The following ADARB1 variants were observed in gnomAD, a reference collection of about 807,000 sequenced individuals.
ADARB1 encodes the protein double-stranded RNA-specific editase 1.
In ADARB1, 10 loss-of-function variants were observed where a neutral mutation model predicts 52.4. The ratio of observed to expected loss-of-function variants is 0.19; its 90% CI spans 0.12 to 0.32. ADARB1 has a LOEUF of 0.32. Among genes scored for constraint, ADARB1 ranks in the 10% least tolerant of loss-of-function variants. The pLI is 1.00. For missense variants in ADARB1, 643 were observed against 922.3 expected, an observed-to-expected ratio of 0.70 and a Z score of 3.92; for synonymous variants, 349 against 371.1, an observed-to-expected ratio of 0.94 and a Z score of 0.68.
intron 2 of ADARB1, among the ~76,000 whole-genome samples, chr21:45,165,484 C>T (rs548783448): frequency 6.9e-4 from 105 of 152,172 alleles, no homozygotes; most frequent in Non-Finnish European, 1.1e-3. Context: ...TAAAGATTCA[C>T]TTAGCAGCTT....
intron 2 of ADARB1, chr21:45,146,146 C>T (rs2089996612): frequency 7.2e-6 from 1 of 139,592 alleles, no homozygotes; most frequent in Non-Finnish European, 1.6e-5. Context: ...TCCGTTCTGC[C>T]GGGATTACCT....
chr21:45,222,433 G>A lies in ADARB1; in HGVS notation c.*236G>A, dbSNP rs2092983194. ...CAGCATCGCCGCCTGGCATCTCTCT[G>A]CCGCAGCATTTCCCCTTCTGAACCG... On this transcript the variant is annotated 3_prime_UTR_variant, in exon 11 of 11. Transcript: ENST00000348831. The A allele has an allele frequency of 7.8e-7, 1 of 1,286,552 alleles. No homozygotes were observed. The highest frequency in any genetic ancestry group is 1.5e-5 in the African/African-American group (1 of 64,914). The allele number at this position is 1,286,552 out of a possible 1,614,324, so 79.7% of individuals were successfully genotyped here.
intron 2 of ADARB1, among the ~76,000 whole-genome samples, chr21:45,152,156 CA>C (rs1369808766): frequency 6.6e-6 from 1 of 152,202 alleles, no homozygotes; most frequent in Non-Finnish European, 1.5e-5. Flanking sequence ...TGAGCCTCTG[CA>C]TTGTGTTGTG....
intron 1 of ADARB1, among the ~76,000 whole-genome samples, chr21:45,088,895 T>C (rs1222903341): frequency 6.6e-6 from 1 of 152,134 alleles, no homozygotes; most frequent in African/African-American, 2.4e-5. Flanking sequence ...AGTCTAGTCA[T>C]GGAGAAATGT....
intron 2 of ADARB1, among the ~76,000 whole-genome samples, chr21:45,155,246 C>G (rs112364174): frequency 1.3e-5 from 2 of 152,092 alleles, no homozygotes; most frequent in East Asian, 3.9e-4. Context: ...GCTGGAGGTC[C>G]AAACGTAGAG....
At chr21:45,134,876 C>A (rs757554274) in intron 2 of ADARB1, 8 of 527,290 alleles carry the variant, frequency 1.5e-5, no homozygotes, top group Non-Finnish European at 2.7e-5. Flanking sequence ...CCCAGCACCA[C>A]ACCCCTGGCT....
In ADARB1 at chr21:45,107,452, T is replaced by G. The variant is rs911132069; in HGVS notation, c.-219-20950T>G. ...AAAAGGAGAATAGCTCTACTAGATA[T>G]TAAAACATACTACAAAGGCTATATG... On this transcript the variant is annotated intron_variant, in intron 1 of 10. Transcript: ENST00000348831. Among the ~76,000 whole-genome samples, 14 of 152,084 alleles carry G rather than the reference T, an allele frequency of 9.2e-5. No individual in the cohort carries two copies. The South Asian group carries it at 2.9e-3, about 32-fold the overall frequency.
At chr21:45,178,883 A>G (rs1191912864) in intron 4 of ADARB1, among the ~76,000 whole-genome samples, 1 of 152,152 alleles carries the variant, frequency 6.6e-6, no homozygotes, top group Non-Finnish European at 1.5e-5. Context: ...TGTCTGCGTT[A>G]ACAAGCATCA....
chr21:45,179,328 A>G (rs1163487280), intron 4 of ADARB1, among the ~76,000 whole-genome samples: 1 of 152,196 alleles, frequency 6.6e-6, no homozygotes, highest in Admixed American at 6.5e-5. Context: ...AAACATCCTG[A>G]CAACTATCTT....
intron 1 of ADARB1, among the ~76,000 whole-genome samples, chr21:45,083,319 A>G (rs2086221532): frequency 6.6e-6 from 1 of 152,062 alleles, no homozygotes; most frequent in South Asian, 2.1e-4. Context: ...CCCCCATCCT[A>G]TTGTACTTGG....
intron 8 of ADARB1, among the ~76,000 whole-genome samples, chr21:45,190,749 A>C (rs2146260123): frequency 6.6e-6 from 1 of 152,338 alleles, no homozygotes; most frequent in African/African-American, 2.4e-5. Flanking sequence ...CTCTGGCACC[A>C]GTCTCATCAC....
chr21:45,211,934 CGTATG>C (rs1164654668), intron 9 of ADARB1, among the ~76,000 whole-genome samples: 2 of 152,160 alleles, frequency 1.3e-5, no homozygotes, highest in African/African-American at 2.4e-5. Flanking sequence ...CCAGAAAAAG[CGTATG>C]GTTAGTATTG....
chr21:45,136,790 CAG>C (rs1433664594), intron 2 of ADARB1, among the ~76,000 whole-genome samples: 1 of 152,250 alleles, frequency 6.6e-6, no homozygotes, highest in African/African-American at 2.4e-5. Flanking sequence ...CTGGTGTCCA[CAG>C]GGGCCAGGGA....
At chr21:45,207,455 A>G (rs76930648) in intron 9 of ADARB1, among the ~76,000 whole-genome samples, 415 of 152,340 alleles carry the variant, frequency 2.7e-3, no homozygotes, top group Non-Finnish European at 4.6e-3. Flanking sequence ...GCCGAAGGCA[A>G]GTAATGCTGT....
intron 8 of ADARB1, among the ~76,000 whole-genome samples, chr21:45,190,679 T>A (rs1385135245): frequency 1.3e-5 from 2 of 152,248 alleles, no homozygotes; most frequent in Non-Finnish European, 2.9e-5. Flanking sequence ...TCTCCTGGTG[T>A]CTTCCTGGAA....
rs955942830 is a variant in ADARB1 at position 45,128,485 on chromosome 21, C to CA, written c.-135dup. On this transcript the variant is annotated 5_prime_UTR_variant, in exon 2 of 11. Coordinates refer to ENST00000348831, the MANE Select transcript of ADARB1 (RefSeq NM_001112.4). This position sits in a 1 kb window ranked among gnomAD's most constrained non-coding sequence, Gnocchi z 4.6. ...GCCAAGCGCGGAGTTCTGCTTACTT[C>CA]AGTCCTGCTGAGATACTCTCTCAGT... 8.5e-5 allele frequency: 13 copies of CA among 152,240 alleles called. No individual in the cohort carries two copies. The highest frequency in any genetic ancestry group is 3.1e-4 in the African/African-American group (13 of 41,458). The allele number at this position is 152,240 out of a possible 1,614,324, so 9.4% of individuals were successfully genotyped here. A position where few individuals can be genotyped will look rare whatever the true frequency, so the allele number is the denominator to read the frequency against.
At chr21:45,158,591 C>A (rs1331022939) in intron 2 of ADARB1, among the ~76,000 whole-genome samples, 1 of 152,082 alleles carries the variant, frequency 6.6e-6, no homozygotes, top group Non-Finnish European at 1.5e-5. Flanking sequence ...CTCCCCGAGG[C>A]CACTGTGCAG....
At position 45,176,847 on chromosome 21, in the gene ADARB1, G is replaced by C. The variant is rs764848132; in HGVS notation, c.963+183G>C. 2.6e-5 allele frequency among the ~76,000 whole-genome samples: 4 copies of C among 152,146 alleles called. No homozygotes were observed. The East Asian group carries it at 7.7e-4, about 29-fold the overall frequency. ...ATGGCCATGTGGCCACTGAGAAGCC[G>C]TCTGCATCCTAGTGCATGCTGGGTC... On this transcript the variant is annotated intron_variant, in intron 4 of 10. Transcript: ENST00000348831. The surrounding 1 kb of genome is among the most constrained non-coding windows in gnomAD (Gnocchi z 5.8).
At position 45,223,975 on chromosome 21, in the gene ADARB1, C is replaced by G; in HGVS notation, c.*1778C>G. On this transcript the variant is annotated 3_prime_UTR_variant, in exon 11 of 11. Coordinates refer to ENST00000348831, the MANE Select transcript of ADARB1 (RefSeq NM_001112.4). ...TCCCTGAAGCAGTCACAGCAGGCGT[C>G]TCTGCCGCTCCGTCACCACAGTGGG... 1.0e-6 allele frequency: 1 copy of G among 985,438 alleles called. No homozygotes were observed. Among genetic ancestry groups the G allele is most frequent in the Non-Finnish European group, 1.2e-6 (1 of 829,952 alleles). 61.0% of individuals were successfully genotyped at this position (985,438 alleles called of 1,614,324 possible).
Sources: allele counts gnomAD v4.1 joint callset (sites outside exome capture counted in the v4.1 genomes callset), GRCh38; gene constraint gnomAD v4.1.1; non-coding constraint Gnocchi (gnomAD v3.1); transcripts MANE v1.5; gene names NCBI Gene and HGNC (gene_info 2026-07-23, HGNC 2026-07-21).